Variants in NRG1 observed in about 807,000 individuals in gnomAD.
NRG1 encodes the protein neuregulin 1.
In NRG1, 18 loss-of-function variants were observed where a neutral mutation model predicts 63.8. That is an observed-to-expected ratio of 0.28 (90% confidence interval 0.19 to 0.42). NRG1 has a LOEUF of 0.42. NRG1 is among the 10% of genes least tolerant of loss of function. The probability of loss-of-function intolerance (pLI) is 1.00; values close to 1 mark genes in which losing one functional copy is unlikely to be tolerated. For missense variants in NRG1, 762 were observed against 814.7 expected, an observed-to-expected ratio of 0.94 and a Z score of 0.79; for synonymous variants, 302 against 301.3, an observed-to-expected ratio of 1.00 and a Z score of -0.02.
At chr8:32,326,024 T>G (rs1021750705) in intron 1 of NRG1, among the ~76,000 whole-genome samples, 3 of 151,848 alleles carry the variant, frequency 2.0e-5, no homozygotes, top group African/African-American at 7.3e-5. Flanking sequence ...TTTTTTTTTT[T>G]TTTTGATATG....
At chr8:32,574,424 T>C (rs1301564069) in intron 1 of NRG1, among the ~76,000 whole-genome samples, 1 of 152,158 alleles carries the variant, frequency 6.6e-6, no homozygotes, top group Non-Finnish European at 1.5e-5. Context: ...ATAGTTTGTA[T>C]ATTTTTCCCC....
chr8:32,638,750 A>G (rs1851794285), intron 5 of NRG1, among the ~76,000 whole-genome samples: 1 of 152,192 alleles, frequency 6.6e-6, no homozygotes, highest in Non-Finnish European at 1.5e-5. Context: ...TTTCAAATTC[A>G]TATCGTTTTA....
chr8:32,640,271 A>ACACACACACACACACACG (rs1299313079), intron 5 of NRG1, among the ~76,000 whole-genome samples: 1 of 151,210 alleles, frequency 6.6e-6, no homozygotes, highest in African/African-American at 2.4e-5. Context: ...ACACACACAC[A>ACACACACACACACACACG]CACGCACGCA....
chr8:32,353,466 ATTG>A (rs1030292376), intron 1 of NRG1, among the ~76,000 whole-genome samples: 8 of 152,154 alleles, frequency 5.3e-5, no homozygotes, highest in Non-Finnish European at 1.0e-4. Context: ...TGATTTTATT[ATTG>A]TTGTAATTAA....
chr8:31,748,505 A>C (rs1401642052), intron 1 of NRG1, among the ~76,000 whole-genome samples: 2 of 151,886 alleles, frequency 1.3e-5, no homozygotes, highest in Admixed American at 6.6e-5. Flanking sequence ...TTTGTTCTGA[A>C]TTTGGAATGC....
rs144447727 is a variant in NRG1, at chr8:31,959,703, A to AT, written c.37+320280dup. ...GCATAGCCTGCTGGCCCCAAATGAC[A>AT]TTTTTTTTAATATTTACAAATTATT... On this transcript the variant is annotated intron_variant, in intron 1 of 10. Coordinates refer to the NRG1 transcript ENST00000519301. 1.5e-3 allele frequency among the ~76,000 whole-genome samples: 231 copies of AT among 151,858 alleles called. 2 individuals carry two copies. The highest frequency in any genetic ancestry group is 6.8e-3 in the Middle Eastern group (2 of 292).
chr8:31,868,343 G>T (rs2129611267), intron 1 of NRG1, among the ~76,000 whole-genome samples: 1 of 152,232 alleles, frequency 6.6e-6, no homozygotes, highest in South Asian at 2.1e-4. Flanking sequence ...CATCCCTGAG[G>T]AAATGCATAA....
At chr8:32,745,281 T>C (rs1827207894) in intron 7 of NRG1, among the ~76,000 whole-genome samples, 1 of 152,138 alleles carries the variant, frequency 6.6e-6, no homozygotes, top group African/African-American at 2.4e-5. Context: ...AAACATAAAT[T>C]TTGAACACAA....
chr8:32,149,692 G>C (rs769226591), intron 1 of NRG1, among the ~76,000 whole-genome samples: 1 of 152,150 alleles, frequency 6.6e-6, no homozygotes, highest in Admixed American at 6.5e-5. Context: ...GGAAGAATGA[G>C]GTAAAATGGC....
intron 1 of NRG1, among the ~76,000 whole-genome samples, chr8:32,151,787 T>G (rs574813467): frequency 2.2e-4 from 33 of 152,302 alleles, no homozygotes; most frequent in Non-Finnish European, 4.4e-4. Flanking sequence ...ACTTTAATAT[T>G]CTACCTATGA....
rs1286320027 is a variant in NRG1 at position 32,567,433 on chromosome 8, TA to T, written c.100+18613del. 2.0e-5 allele frequency among the ~76,000 whole-genome samples: 3 copies of T among 152,166 alleles called. No individual in the cohort carries two copies. In the East Asian group the frequency reaches 5.8e-4, roughly 29 times the overall value. Reference sequence around the variant, plus strand: ...TTTGCCAATGCATCAAAAATTAGATTAAAAAAGAAATTTCTCTGGCCTAGTC... The same window carrying T: ...TTTGCCAATGCATCAAAAATTAGATTAAAAAGAAATTTCTCTGGCCTAGTC... On this transcript the variant is annotated intron_variant, in intron 1 of 11. Transcript: ENST00000356819.
At chr8:31,922,956 T>G (rs1023556027) in intron 1 of NRG1, among the ~76,000 whole-genome samples, 2 of 152,042 alleles carry the variant, frequency 1.3e-5, no homozygotes, top group African/African-American at 4.8e-5. Context: ...AGAATGAAAG[T>G]GGAACCTGAT....
chr8:32,626,693 A>G (rs1849351076), intron 5 of NRG1, among the ~76,000 whole-genome samples: 1 of 151,572 alleles, frequency 6.6e-6, no homozygotes, highest in Non-Finnish European at 1.5e-5. Flanking sequence ...AAGAAAAAAA[A>G]AAATAGAGAA....
chr8:32,703,247 G>A (rs2919382), intron 5 of NRG1, among the ~76,000 whole-genome samples: 110,413 of 151,962 alleles, frequency 0.73, 40,964 homozygotes, highest in South Asian at 0.82. Context: ...ATTAGGGGCT[G>A]AATACCAACA....
chr8:32,605,156 G>A (rs1427019149), intron 2 of NRG1, among the ~76,000 whole-genome samples: 1 of 152,130 alleles, frequency 6.6e-6, no homozygotes, highest in South Asian at 2.1e-4. Flanking sequence ...CAGACTTGTA[G>A]GAAATGATTT....
chr8:31,872,566 A>G (rs1207910259), intron 1 of NRG1, among the ~76,000 whole-genome samples: 1 of 152,160 alleles, frequency 6.6e-6, no homozygotes, highest in Non-Finnish European at 1.5e-5. Context: ...TTTTGGGGAG[A>G]AACAGACATA....
chr8:31,845,512 G>T (rs1194101252), intron 1 of NRG1, among the ~76,000 whole-genome samples: 2 of 152,094 alleles, frequency 1.3e-5, no homozygotes, highest in East Asian at 3.9e-4. Context: ...TTTGCAAGTG[G>T]TTGTAGCCTG....
chr8:32,410,540 T>G (rs192504830), intron 1 of NRG1, among the ~76,000 whole-genome samples: 1 of 152,268 alleles, frequency 6.6e-6, no homozygotes, highest in Admixed American at 6.5e-5. Flanking sequence ...TTTAGGAAAA[T>G]AAGTATTCAA....
rs1341277081 is a variant in NRG1 at position 31,918,663 on chromosome 8, C to CT, written c.37+279238dup. ...ATCAAGGATATTGGTCTAAAATTCT[C>CT]TTTTTTGTTTGTGTCTCTGTCCGGC... On this transcript the variant is annotated intron_variant, in intron 1 of 10. Transcript: ENST00000519301. Among the ~76,000 whole-genome samples, 308 of 152,176 alleles carry CT rather than the reference C, an allele frequency of 2.0e-3. 1 individual carries two copies. Among genetic ancestry groups the CT allele is most frequent in the African/African-American group, 7.1e-3 (295 of 41,502 alleles).
Sources: allele counts gnomAD v4.1 joint callset (sites outside exome capture counted in the v4.1 genomes callset), GRCh38; gene constraint gnomAD v4.1.1; transcripts MANE v1.5; gene names NCBI Gene and HGNC (gene_info 2026-07-23, HGNC 2026-07-21).